The following GINM1 variants were observed in gnomAD, a reference collection of about 807,000 sequenced individuals.
The protein encoded by GINM1 is glycoprotein integral membrane protein 1.
Under a neutral mutation model 37.8 loss-of-function variants are expected in GINM1, and 29 were observed. The observed-to-expected ratio is 0.77, with a 90% confidence interval of 0.57 to 1.05. The LOEUF (loss-of-function observed/expected upper bound fraction) is 1.05. Ranked by LOEUF, GINM1 falls within the 50% of genes least tolerant of loss-of-function variation. GINM1 has a pLI of 0.00. For synonymous variants in GINM1, 143 were observed against 146.2 expected (o/e 0.98, Z 0.16); for missense variants, 377 against 397.9 (o/e 0.95, Z 0.45).
intron 6 of GINM1, 160 bp from the exon 7 acceptor site, chr6:149,582,280 A>G: frequency 1.5e-6 from 1 of 647,584 alleles, no homozygotes; most frequent in Non-Finnish European, 2.7e-6. Context: ...ACCATTTAAA[A>G]TATACAATTA....
chr6:149,580,154 A>G (rs1464125947), intron 5 of GINM1, among the ~76,000 whole-genome samples, 164 bp downstream of exon 5: 1 of 152,242 alleles, frequency 6.6e-6, no homozygotes, highest in Non-Finnish European at 1.5e-5. Flanking sequence ...AAAATGCTTC[A>G]TAACATGTAT....
intron 7 of GINM1, among the ~76,000 whole-genome samples, chr6:149,589,262 A>AATTTATTT (rs201207313): frequency 6.7e-6 from 1 of 149,700 alleles, no homozygotes; most frequent in African/African-American, 2.5e-5. Flanking sequence ...ATTTTCTTAA[A>AATTTATTT]ATTTATTTAT....
At chr6:149,585,826 T>C (rs1044150014) in intron 7 of GINM1, among the ~76,000 whole-genome samples, 2 of 152,108 alleles carry the variant, frequency 1.3e-5, no homozygotes, top group Admixed American at 1.3e-4. Flanking sequence ...TCCCCTGACC[T>C]CGTGAGCCCC....
At chr6:149,588,227 A>T (rs1778102567) in intron 7 of GINM1, among the ~76,000 whole-genome samples, 1 of 152,218 alleles carries the variant, frequency 6.6e-6, no homozygotes, top group Non-Finnish European at 1.5e-5. Flanking sequence ...TGCTACTAAA[A>T]ATATAATTCA....
At chr6:149,590,102 C>T (rs1332487379) in intron 7 of GINM1, among the ~76,000 whole-genome samples, 1 of 152,174 alleles carries the variant, frequency 6.6e-6, no homozygotes, top group Non-Finnish European at 1.5e-5. Flanking sequence ...TACACCTGGC[C>T]TACTATCATG....
chr6:149,576,618 A>G (rs73604795), intron 3 of GINM1, among the ~76,000 whole-genome samples: 4,096 of 152,160 alleles, frequency 0.027, 159 homozygotes, highest in African/African-American at 0.093. Context: ...AAAATCATTC[A>G]TAGATCGATA....
At position 149,566,646 on chromosome 6, in the gene GINM1, G is replaced by A. The variant is rs918313247; in HGVS notation, c.120+112G>A. 6 of 1,334,808 alleles carry A rather than the reference G, an allele frequency of 4.5e-6. No individual in the cohort carries two copies. In the Admixed American group the frequency reaches 1.3e-4, roughly 30 times the overall value. 82.7% of individuals were successfully genotyped at this position (1,334,808 alleles called of 1,614,324 possible). On this transcript the variant is annotated intron_variant, in intron 1 of 7. Transcript: ENST00000367419. This position sits in a 1 kb window ranked among gnomAD's most constrained non-coding sequence, Gnocchi z 4.4. Reference sequence around the variant, plus strand: ...CACCGGCGGGCAGGGGCGGGGGTCCGGGCCCCCGAAGGAGGTGTGGGGAGA... The same window carrying A: ...CACCGGCGGGCAGGGGCGGGGGTCCAGGCCCCCGAAGGAGGTGTGGGGAGA...
chr6:149,570,162 A>G lies in GINM1; in HGVS notation c.121-2123A>G, dbSNP rs1162164227. 6.9e-5 allele frequency among the ~76,000 whole-genome samples: 5 copies of G among 72,334 alleles called. No individual in the cohort carries two copies. The East Asian group carries it at 2.6e-3, about 37-fold the overall frequency. The allele number at this position is 72,334 out of a possible 152,430, so 47.5% of individuals were successfully genotyped here. On this transcript the variant is annotated intron_variant, in intron 1 of 7. Coordinates refer to ENST00000367419, the MANE Select transcript of GINM1 (RefSeq NM_138785.5). The stretch of plus-strand genomic sequence containing the variant: ...TATATATATATATATATATATATAT[A>G]TATATATATATATATATATATATAT...
intron 3 of GINM1, among the ~76,000 whole-genome samples, chr6:149,577,906 G>A (rs950575805): frequency 3.9e-5 from 6 of 152,130 alleles, no homozygotes; most frequent in Non-Finnish European, 8.8e-5. Context: ...GTTTCTACTG[G>A]AGCAGGAGTA....
In GINM1 at chr6:149,578,976, A is replaced by G; in HGVS notation, c.429+3A>G. On this transcript the variant is annotated splice_donor_region_variant and intron_variant, in intron 4 of 7. Transcript: ENST00000367419. ...TAGTAGAGATTGATGGAAAACAAGTAAGATAGTATGTTTATTAATTGGGAA... is the reference window on the plus strand; with the variant it reads ...TAGTAGAGATTGATGGAAAACAAGTGAGATAGTATGTTTATTAATTGGGAA... 6.5e-7 allele frequency: 1 copy of G among 1,534,986 alleles called. No individual in the cohort carries two copies. The highest frequency in any genetic ancestry group is 8.9e-7 in the Non-Finnish European group (1 of 1,118,198).
At chr6:149,585,295 G>A (rs1205508465) in intron 7 of GINM1, among the ~76,000 whole-genome samples, 1 of 152,110 alleles carries the variant, frequency 6.6e-6, no homozygotes, top group African/African-American at 2.4e-5. Context: ...ACTATAGAGA[G>A]CAATGAACTG....
chr6:149,587,895 C>A (rs1250320969), intron 7 of GINM1, among the ~76,000 whole-genome samples: 1 of 152,198 alleles, frequency 6.6e-6, no homozygotes, highest in Non-Finnish European at 1.5e-5. Flanking sequence ...CCCCAGCCAT[C>A]AGTCATCATT....
intron 7 of GINM1, among the ~76,000 whole-genome samples, chr6:149,584,848 C>T (rs1042531309): frequency 2.0e-5 from 3 of 150,698 alleles, no homozygotes; most frequent in African/African-American, 4.9e-5. Flanking sequence ...GAGAGAGACA[C>T]GGGGATCTTG....
chr6:149,569,203 T>G (rs2115053987), intron 1 of GINM1, among the ~76,000 whole-genome samples: 1 of 151,876 alleles, frequency 6.6e-6, no homozygotes, highest in East Asian at 1.9e-4. Context: ...CCAGCTAATT[T>G]TTTTATATTT....
chr6:149,589,024 G>T (rs991507427), intron 7 of GINM1, among the ~76,000 whole-genome samples: 1 of 152,038 alleles, frequency 6.6e-6, no homozygotes, highest in Non-Finnish European at 1.5e-5. Context: ...GGATGGTCTC[G>T]AACTCCTGAC....
At chr6:149,570,536 A>C (rs140427746) in intron 1 of GINM1, among the ~76,000 whole-genome samples, 3 of 71,134 alleles carry the variant, frequency 4.2e-5, no homozygotes, top group African/African-American at 1.0e-4. Context: ...AAGTGAACCA[A>C]AGTCACCCTA....
chr6:149,586,005 T>G (rs916409290), intron 7 of GINM1, among the ~76,000 whole-genome samples: 1 of 152,224 alleles, frequency 6.6e-6, no homozygotes, highest in African/African-American at 2.4e-5. Flanking sequence ...TCCTCATTTC[T>G]TGTTCAGTGT....
chr6:149,574,786 T>C (rs1777889885), intron 3 of GINM1, among the ~76,000 whole-genome samples: 1 of 152,174 alleles, frequency 6.6e-6, no homozygotes, highest in South Asian at 2.1e-4. Context: ...AAGGATCCCT[T>C]GAGCTCAGGA....
Position 149,590,949 on chromosome 6 carries a change from C to CCA in GINM1, c.*111_*112insCA. ...ATCAGTTTATACACTAGAGAAATTG[C>CCA]TAAACTCTAAGACTGCCTGAAAATT... On this transcript the variant is annotated 3_prime_UTR_variant, in exon 8 of 8. Transcript: ENST00000367419. The CCA allele has an allele frequency of 1.6e-6, 1 of 612,662 alleles. No homozygotes were observed. 38.0% of individuals were successfully genotyped at this position (612,662 alleles called of 1,614,324 possible).
Sources: allele counts gnomAD v4.1 joint callset (sites outside exome capture counted in the v4.1 genomes callset), GRCh38; gene constraint gnomAD v4.1.1; non-coding constraint Gnocchi (gnomAD v3.1); transcripts MANE v1.5; gene names NCBI Gene and HGNC (gene_info 2026-07-23, HGNC 2026-07-21).